APPL2: variants seen among roughly 807,000 people sequenced by gnomAD.
APPL2 encodes DCC-interacting protein 13-beta.
Under a neutral mutation model 92.7 loss-of-function variants are expected in APPL2, and 84 were observed. The observed-to-expected ratio is 0.91, with a 90% CI of 0.76 to 1.09. The LOEUF (loss-of-function observed/expected upper bound fraction) is 1.09, where lower values mean the gene tolerates loss of function less well. Ranked by LOEUF, APPL2 falls within the 50% of genes least tolerant of loss-of-function variation. The probability of loss-of-function intolerance (pLI) is 0.00; values close to 1 mark genes in which losing one functional copy is unlikely to be tolerated. For synonymous variants in APPL2, 291 were observed against 291.0 expected (o/e 1.00, Z 0.00); for missense variants, 736 against 824.5 (o/e 0.89, Z 1.31).
At chr12:105,184,987 T>A (rs998752537) in intron 17 of APPL2, among the ~76,000 whole-genome samples, 2 of 152,204 alleles carry the variant, frequency 1.3e-5, no homozygotes, top group African/African-American at 2.4e-5. Context: ...GCAGTCTGGC[T>A]ACAGCAGTTT....
At chr12:105,180,598 G>A (rs1592754193) in intron 17 of APPL2, among the ~76,000 whole-genome samples, 1 of 152,346 alleles carries the variant, frequency 6.6e-6, no homozygotes, top group South Asian at 2.1e-4. Context: ...CTATCCATGA[G>A]CATGGCATGT....
chr12:105,204,219 T>C (rs1888497412), intron 8 of APPL2, among the ~76,000 whole-genome samples: 1 of 152,224 alleles, frequency 6.6e-6, no homozygotes, highest in Non-Finnish European at 1.5e-5. Context: ...CCATTTTCTA[T>C]GTCTGCTGGT....
At chr12:105,234,799 G>A (rs1367948284) in intron 1 of APPL2, among the ~76,000 whole-genome samples, 1 of 151,724 alleles carries the variant, frequency 6.6e-6, no homozygotes, top group East Asian at 1.9e-4. Flanking sequence ...AAAAAGGGAG[G>A]CCTTGAAAAA....
intron 1 of APPL2, chr12:105,229,925 C>A (rs1252468943): frequency 5.2e-6 from 1 of 190,530 alleles, no homozygotes; most frequent in East Asian, 1.9e-4. Context: ...ATTACAGGCA[C>A]CCACCACCAC....
Position 105,197,637 on chromosome 12 carries a change from A to G in APPL2, c.1052+128T>C, listed in dbSNP as rs1297131078. Reference sequence around the variant, plus strand: ...GAGAGCAGAAAATCATCCTCCTGAAAGGTCAACAATACCCAGATTGGGGCC... The same window carrying G: ...GAGAGCAGAAAATCATCCTCCTGAAGGGTCAACAATACCCAGATTGGGGCC... On this transcript the variant is annotated intron_variant, in intron 11 of 20. Coordinates refer to ENST00000258530, the MANE Select transcript of APPL2 (RefSeq NM_018171.5). 5 of 1,151,162 alleles carry G rather than the reference A, an allele frequency of 4.3e-6. 1 individual carries two copies. The East Asian group carries it at 1.3e-4, about 29-fold the overall frequency. 71.3% of individuals were successfully genotyped at this position (1,151,162 alleles called of 1,614,324 possible).
intron 2 of APPL2, among the ~76,000 whole-genome samples, chr12:105,223,371 G>C (rs1178898756): frequency 6.6e-6 from 1 of 152,176 alleles, no homozygotes. Flanking sequence ...CTTGCCCAGG[G>C]AGTGAACACA....
At chr12:105,216,695 G>C (rs559553628) in intron 4 of APPL2, among the ~76,000 whole-genome samples, 77 of 152,336 alleles carry the variant, frequency 5.1e-4, no homozygotes, top group Non-Finnish European at 9.3e-4. Flanking sequence ...GGCCCTGCCA[G>C]CACCTTGACT....
At chr12:105,185,103 C>T (rs1372306406) in intron 17 of APPL2, among the ~76,000 whole-genome samples, 4 of 152,002 alleles carry the variant, frequency 2.6e-5, no homozygotes, top group African/African-American at 9.7e-5. Context: ...GGATGCCCCT[C>T]CCCCCCACCA....
intron 17 of APPL2, among the ~76,000 whole-genome samples, chr12:105,186,622 T>TATATCATATATATGATATCG (rs1555248005): frequency 0.11 from 13,893 of 124,990 alleles, 1,095 homozygotes; most frequent in African/African-American, 0.2. Flanking sequence ...ATATCATATA[T>TATATCATATATATGATATCG]ATATCATATA....
rs902811443 is a variant in APPL2 at position 105,174,210 on chromosome 12, C to T, written c.*104G>A. The T allele has an allele frequency of 3.6e-6, 5 of 1,392,276 alleles. No individual in the cohort carries two copies. The highest frequency in any genetic ancestry group is 2.5e-5 in the East Asian group (1 of 40,726). 86.2% of individuals were successfully genotyped at this position (1,392,276 alleles called of 1,614,324 possible). A position where few individuals can be genotyped will look rare whatever the true frequency, so the allele number is the denominator to read the frequency against. On this transcript the variant is annotated 3_prime_UTR_variant, in exon 21 of 21. Transcript: ENST00000258530. ...AAGATTACATTCCACAAACGATTGT[C>T]AGCCTTCGGAAATCAGGTCAGTGTG...
rs759899939 is a variant in APPL2 at position 105,229,116 on chromosome 12, G to A, written c.153+9C>T. ...CTCTGCGGTATCCAGGTGAGGGGTGGCAGCATACCTGGGCTCCATAGACGC... is the reference window on the plus strand; with the variant it reads ...CTCTGCGGTATCCAGGTGAGGGGTGACAGCATACCTGGGCTCCATAGACGC... On this transcript the variant is annotated intron_variant, in intron 2 of 20. Transcript: ENST00000258530. 1.3e-5 allele frequency: 21 copies of A among 1,606,746 alleles called. No individual in the cohort carries two copies. The highest frequency in any genetic ancestry group is 1.7e-5 in the Non-Finnish European group (20 of 1,176,202).
At chr12:105,208,267 C>T in intron 5 of APPL2, 68 bp from the exon 6 acceptor site, 1 of 1,571,174 alleles carries the variant, frequency 6.4e-7, no homozygotes, top group Non-Finnish European at 8.8e-7. Flanking sequence ...GAGCTCTGCA[C>T]TTTCCCCTGA....
chr12:105,222,548 G>A (rs1173231102), intron 2 of APPL2, among the ~76,000 whole-genome samples: 1 of 152,166 alleles, frequency 6.6e-6, no homozygotes, highest in Non-Finnish European at 1.5e-5. Context: ...CTGAGGAGGG[G>A]ATATGAATTT....
chr12:105,208,274 C>T (rs1888921874), intron 5 of APPL2, 75 bp from the exon 6 acceptor site: 2 of 1,560,590 alleles, frequency 1.3e-6, no homozygotes, highest in African/African-American at 2.7e-5. Flanking sequence ...GCACTTTCCC[C>T]TGAAAATAAG....
At position 105,192,970 on chromosome 12, in the gene APPL2, C is replaced by G. The variant is rs541831197; in HGVS notation, c.1241+2291G>C. Among the ~76,000 whole-genome samples, 10 of 152,300 alleles carry G rather than the reference C, an allele frequency of 6.6e-5. No homozygotes were observed. In the South Asian group the frequency reaches 1.2e-3, roughly 19 times the overall value. Reference sequence around the variant, plus strand: ...ACAATTTCTCTGATTCTTTCCCCCCCCACTGTCATCAAAACATTGCTTTAT... The same window carrying G: ...ACAATTTCTCTGATTCTTTCCCCCCGCACTGTCATCAAAACATTGCTTTAT... On this transcript the variant is annotated intron_variant, in intron 14 of 20. Coordinates refer to ENST00000258530, the MANE Select transcript of APPL2 (RefSeq NM_018171.5).
chr12:105,223,645 A>G (rs913949330), intron 2 of APPL2, among the ~76,000 whole-genome samples: 2 of 152,200 alleles, frequency 1.3e-5, no homozygotes, highest in African/African-American at 4.8e-5. Context: ...AGGAACAAAT[A>G]TCAGATGTTT....
chr12:105,179,085 C>T (rs1885853480), intron 17 of APPL2, among the ~76,000 whole-genome samples: 1 of 152,104 alleles, frequency 6.6e-6, no homozygotes, highest in Non-Finnish European at 1.5e-5. Flanking sequence ...TTGCTGCGCC[C>T]ATCAACCCGT....
At chr12:105,176,749 T>C (rs1395395787) in intron 19 of APPL2, 127 bp downstream of exon 19, 44 of 1,256,090 alleles carry the variant, frequency 3.5e-5, no homozygotes, top group Non-Finnish European at 4.5e-5. Context: ...GGAGGTATTA[T>C]CTGAACTCCT....
intron 10 of APPL2, among the ~76,000 whole-genome samples, chr12:105,198,788 A>G (rs796805149): frequency 2.0e-5 from 3 of 152,348 alleles, no homozygotes; most frequent in African/African-American, 7.2e-5. Flanking sequence ...ACAGATGAAG[A>G]GATCAAGGCT....
Sources: gnomAD v4.1 joint callset for allele counts (sites outside exome capture counted in the v4.1 genomes callset) on GRCh38, gnomAD v4.1.1 for gene constraint, MANE v1.5 for transcripts, NCBI Gene and HGNC (gene_info 2026-07-23, HGNC 2026-07-21) for gene names.